Variants in SEC24D observed in about 807,000 individuals in gnomAD.
SEC24D encodes protein transport protein Sec24D.
In SEC24D, 69 loss-of-function variants were observed where a neutral mutation model predicts 116.9. The observed-to-expected ratio is 0.59, with a 90% confidence interval of 0.49 to 0.72. SEC24D has a LOEUF of 0.72. SEC24D is among the 30% of genes least tolerant of loss of function. The pLI is 0.00. For missense variants in SEC24D, 1,131 were observed against 1,264.1 expected, an observed-to-expected ratio of 0.89 and a Z score of 1.60; for synonymous variants, 405 against 442.8, an observed-to-expected ratio of 0.91 and a Z score of 1.07.
At chr4:118,800,674 C>A (rs1433450180) in intron 7 of SEC24D, among the ~76,000 whole-genome samples, 2 of 152,136 alleles carry the variant, frequency 1.3e-5, no homozygotes, top group Non-Finnish European at 1.5e-5. Flanking sequence ...GCAGCCAATG[C>A]GCTAGACATC....
At chr4:118,782,591 A>G (rs1232412361) in intron 8 of SEC24D, among the ~76,000 whole-genome samples, 1 of 152,258 alleles carries the variant, frequency 6.6e-6, no homozygotes, top group Non-Finnish European at 1.5e-5. Context: ...GTCCGTTCTC[A>G]GAGCTCAAAC....
intron 4 of SEC24D, among the ~76,000 whole-genome samples, chr4:118,817,033 G>A: frequency 6.6e-6 from 1 of 152,112 alleles, no homozygotes; most frequent in East Asian, 1.9e-4. Flanking sequence ...ATCATTGAAT[G>A]GAAGGTATTC....
intron 6 of SEC24D, among the ~76,000 whole-genome samples, chr4:118,812,340 C>G (rs1021485378): frequency 6.6e-6 from 1 of 152,078 alleles, no homozygotes; most frequent in Non-Finnish European, 1.5e-5. Flanking sequence ...TAGGGCTCTA[C>G]CCCCATGGAC....
chr4:118,779,582 T>C (rs576925416), intron 8 of SEC24D, among the ~76,000 whole-genome samples: 1 of 152,362 alleles, frequency 6.6e-6, no homozygotes, highest in South Asian at 2.1e-4. Flanking sequence ...GTTGTGTCTC[T>C]GTCAGGCTTT....
At chr4:118,772,042 A>G (rs1727929033) in intron 8 of SEC24D, among the ~76,000 whole-genome samples, 1 of 152,232 alleles carries the variant, frequency 6.6e-6, no homozygotes, top group East Asian at 1.9e-4. Flanking sequence ...CAAAACAAAC[A>G]CAGATGCTCA....
At chr4:118,811,895 G>A (rs1729935090) in intron 6 of SEC24D, among the ~76,000 whole-genome samples, 1 of 152,040 alleles carries the variant, frequency 6.6e-6, no homozygotes, top group African/African-American at 2.4e-5. Flanking sequence ...TACAAAAATA[G>A]CCAAAATTAT....
intron 8 of SEC24D, among the ~76,000 whole-genome samples, chr4:118,780,462 G>C (rs567370943): frequency 4.4e-4 from 67 of 152,334 alleles, no homozygotes; most frequent in Admixed American, 1.6e-3. Context: ...TGTGGTCAGA[G>C]AGGCAGTTTG....
At chr4:118,728,869 A>C in intron 21 of SEC24D, 1 of 450,052 alleles carries the variant, frequency 2.2e-6, no homozygotes, top group Non-Finnish European at 4.0e-6. Context: ...TTTGGAAAAA[A>C]CTCTTCCTCT....
At chr4:118,744,521 CCA>C (rs1221078444) in intron 14 of SEC24D, among the ~76,000 whole-genome samples, 1 of 152,226 alleles carries the variant, frequency 6.6e-6, no homozygotes, top group Non-Finnish European at 1.5e-5. Context: ...CTTATCCTTC[CCA>C]CAGACATTCC....
rs76658950 is a variant in SEC24D, at chr4:118,732,881, G to A, written c.2528C>T (p.Pro843Leu). ...LILPDSMKVL[P>L]VYMNCLLKNC... ...TTTCAACAAGCAATTCATGTACACT[G>A]GCAATACTTTCATGGAATCTGGTAG... Residue 843 changes from proline (P) to leucine (L), a missense_variant, in exon 20 of 23, where the codon CCA becomes CTA. Pro to Leu is a moderately conservative substitution (Grantham distance 98). Transcript: ENST00000280551. The A allele has an allele frequency of 8.7e-4, 1,400 of 1,613,710 alleles. 9 individuals are homozygous for A. The African/African-American group carries it at 0.017, about 20-fold the overall frequency.
chr4:118,728,731 A>G, intron 21 of SEC24D, 81 bp from the exon 22 acceptor site: 1 of 869,160 alleles, frequency 1.2e-6, no homozygotes. Flanking sequence ...TCATAATGTT[A>G]AAAACATAAA....
intron 13 of SEC24D, among the ~76,000 whole-genome samples, chr4:118,749,151 A>G (rs1726698028): frequency 6.6e-6 from 1 of 152,190 alleles, no homozygotes; most frequent in South Asian, 2.1e-4. Flanking sequence ...TGAAGGTCAG[A>G]TTTTGAAATA....
intron 6 of SEC24D, among the ~76,000 whole-genome samples, chr4:118,814,597 G>GT (rs996564846): frequency 1.3e-5 from 2 of 151,944 alleles, no homozygotes; most frequent in South Asian, 2.1e-4. Context: ...AAAAAAATTT[G>GT]TTTTTTTATT....
chr4:118,803,406 C>T (rs553674910), intron 7 of SEC24D, among the ~76,000 whole-genome samples: 1 of 152,230 alleles, frequency 6.6e-6, no homozygotes, highest in South Asian at 2.1e-4. Flanking sequence ...TGCCTGGCAA[C>T]CCTCCCCTCC....
chr4:118,723,822 T>C (rs1000337854), intron 22 of SEC24D, among the ~76,000 whole-genome samples, 167 bp from the exon 23 acceptor site: 4 of 152,146 alleles, frequency 2.6e-5, no homozygotes, highest in South Asian at 2.1e-4. Context: ...GAAAGAGGCA[T>C]GGACCCCGAA....
At chr4:118,786,227 A>G (rs1362714427) in intron 8 of SEC24D, among the ~76,000 whole-genome samples, 1 of 152,208 alleles carries the variant, frequency 6.6e-6, no homozygotes, top group Admixed American at 6.5e-5. Flanking sequence ...CTGTGCTTCA[A>G]ACTTGGGGGT....
chr4:118,805,000 T>A (rs972879376), intron 7 of SEC24D, among the ~76,000 whole-genome samples: 1 of 151,836 alleles, frequency 6.6e-6, no homozygotes, highest in African/African-American at 2.4e-5. Flanking sequence ...TCTCCACATA[T>A]TACTGAGGGT....
chr4:118,738,124 C>G (rs1726055550), intron 19 of SEC24D, 137 bp downstream of exon 19: 1 of 603,412 alleles, frequency 1.7e-6, no homozygotes, highest in South Asian at 2.6e-5. Context: ...AAATTGCATT[C>G]TTAATCTTCT....
At chr4:118,821,509 T>G in intron 3 of SEC24D, among the ~76,000 whole-genome samples, 1 of 152,186 alleles carries the variant, frequency 6.6e-6, no homozygotes. Flanking sequence ...TAACTAGGTA[T>G]GATTTTTAAA....
Sources: gnomAD v4.1 joint callset for allele counts (sites outside exome capture counted in the v4.1 genomes callset) on GRCh38, gnomAD v4.1.1 for gene constraint, MANE v1.5 for transcripts, NCBI Gene and HGNC (gene_info 2026-07-23, HGNC 2026-07-21) for gene names.